The following STX4 variants were observed in gnomAD, a reference collection of about 807,000 sequenced individuals.
STX4 encodes syntaxin-4.
Under a neutral mutation model 41.8 loss-of-function variants are expected in STX4, and 24 were observed. The observed-to-expected ratio is 0.57, with a 90% CI of 0.42 to 0.81. The LOEUF is 0.81. Ranked by LOEUF, STX4 falls within the 30% of genes least tolerant of loss-of-function variation. The pLI is 0.00. For synonymous variants in STX4, 158 were observed against 156.4 expected, an observed-to-expected ratio of 1.01 and a Z score of -0.08; for missense variants, 316 against 389.9, an observed-to-expected ratio of 0.81 and a Z score of 1.60.
At chr16:31,033,520 C>T (rs1380855375), upstream of STX4, 2 of 1,550,402 alleles carry the variant, frequency 1.3e-6, no homozygotes, top group South Asian at 1.2e-5. The surrounding 1 kb of genome is among the most constrained non-coding windows in gnomAD (Gnocchi z 5.5). Flanking sequence ...GAGACGCGAC[C>T]ATGTGCGCAT....
In STX4 at chr16:31,034,992, A is replaced by C. The variant is rs769649961; in HGVS notation, c.330A>C (p.Glu110Asp). Residue 110 changes from glutamate (E) to aspartate (D), a missense_variant, in exon 5 of 11, where the codon GAA becomes GAC. Glu to Asp is a conservative substitution (Grantham distance 45). Transcript: ENST00000313843. ...QLKAIEPQKE[E>D]ADENYNSVNT... The stretch of plus-strand genomic sequence containing the variant: ...CAGCCATAGAGCCCCAGAAGGAGGA[A>C]GCTGATGAGAACTATAACTCCGTCA... 5.8e-5 allele frequency: 93 copies of C among 1,611,478 alleles called. No homozygotes were observed. Among genetic ancestry groups the C allele is most frequent in the Non-Finnish European group, 7.8e-5 (92 of 1,179,232 alleles).
At position 31,038,002 on chromosome 16, in the gene STX4, A is replaced by G. The variant is rs1440740574; in HGVS notation, c.455A>G (p.Asn152Ser). ...NSMQSEYREK[N>S]VERIRRQLKI... ...ATGCAGTCCGAATACCGGGAGAAGA[A>G]CGTGGAGCGGATTCGGAGGCAGCTG... Residue 152 changes from asparagine (N) to serine (S), a missense_variant, in exon 6 of 11, where the codon AAC becomes AGC. Transcript: ENST00000313843. 1 of 1,614,204 alleles carries G rather than the reference A, an allele frequency of 6.2e-7. No individual in the cohort carries two copies. The highest frequency in any genetic ancestry group is 8.5e-7 in the Non-Finnish European group (1 of 1,180,036).
intron 5 of STX4, among the ~76,000 whole-genome samples, chr16:31,036,052 T>C (rs948681717): frequency 6.6e-6 from 1 of 152,072 alleles, no homozygotes; most frequent in African/African-American, 2.4e-5. Context: ...GTGCTATGAT[T>C]ATAGGCATGA....
rs540497072 is a variant in STX4, at chr16:31,038,589, G to A, written c.644G>A (p.Arg215His). The A allele has an allele frequency of 1.4e-4, 233 of 1,614,070 alleles. 2 individuals carry two copies. In the South Asian group the frequency reaches 1.9e-3, roughly 13 times the overall value. The change falls in exon 8 of 11, where the codon CGC becomes CAC. Residue 215 changes from arginine (R) to histidine (H), a missense_variant. Physicochemically the swap from Arg to His is conservative, Grantham distance 29 (BLOSUM62 0). Coordinates refer to ENST00000313843, the MANE Select transcript of STX4 (RefSeq NM_004604.5). ...CACAGTGAGATCCAGCAGCTTGAACGCAGTATTCGTGAGCTGCACGACATA... is the reference window on the plus strand; with the variant it reads ...CACAGTGAGATCCAGCAGCTTGAACACAGTATTCGTGAGCTGCACGACATA... ...ARHSEIQQLERSIRELHDIFT... is the reference protein window; with the variant it reads ...ARHSEIQQLEHSIRELHDIFT...
upstream of STX4, chr16:31,033,511 A>G (rs1203612930): frequency 1.9e-6 from 3 of 1,550,448 alleles, no homozygotes; most frequent in African/African-American, 4.1e-5. This position sits in a 1 kb window ranked among gnomAD's most constrained non-coding sequence, Gnocchi z 5.5. Flanking sequence ...GGCAAGGAAG[A>G]GACGCGACCA....
At chr16:31,037,529 G>A (rs964508966) in intron 5 of STX4, among the ~76,000 whole-genome samples, 3 of 150,736 alleles carry the variant, frequency 2.0e-5, no homozygotes, top group Admixed American at 1.3e-4. Context: ...GCGTGGTGGC[G>A]CGTGCCTGTA....
intron 7 of STX4, 68 bp downstream of exon 7, chr16:31,038,258 A>T: frequency 1.3e-6 from 2 of 1,586,416 alleles, no homozygotes; most frequent in Non-Finnish European, 8.6e-7. Flanking sequence ...CCGTTTCTCG[A>T]CCTCCTGGGC....
At chr16:31,035,998 C>T (rs752862261) in intron 5 of STX4, among the ~76,000 whole-genome samples, 1 of 151,988 alleles carries the variant, frequency 6.6e-6, no homozygotes, top group Non-Finnish European at 1.5e-5. Context: ...AGGCTGGTCT[C>T]GAACTCCTGA....
chr16:31,035,132 C>A, intron 5 of STX4, 92 bp downstream of exon 5: 1 of 982,244 alleles, frequency 1.0e-6, no homozygotes, highest in Non-Finnish European at 1.5e-6. Flanking sequence ...CTGCAGAGAT[C>A]ATGGAGTCCA....
In STX4 at chr16:31,038,739, G is replaced by C. The variant is rs111835354; in HGVS notation, c.702+92G>C. 3.9e-6 allele frequency: 6 copies of C among 1,520,120 alleles called. No individual in the cohort carries two copies. In the African/African-American group the frequency reaches 6.9e-5, roughly 17 times the overall value. The allele number at this position is 1,520,120 out of a possible 1,614,324, so 94.2% of individuals were successfully genotyped here. A position where few individuals can be genotyped will look rare whatever the true frequency, so the allele number is the denominator to read the frequency against. On this transcript the variant is annotated intron_variant, in intron 8 of 10. Coordinates refer to ENST00000313843, the MANE Select transcript of STX4 (RefSeq NM_004604.5). ...CTTAGATTCTCTCCCTGAGGCTTTT[G>C]TGTCTTCCAGGTTTGGCCATGCCCC...
At chr16:31,033,451 C>T, upstream of STX4, 2 of 1,545,204 alleles carry the variant, frequency 1.3e-6, no homozygotes, top group Non-Finnish European at 8.8e-7. The surrounding 1 kb of genome is among the most constrained non-coding windows in gnomAD (Gnocchi z 5.5). Context: ...CCAGGCATCT[C>T]CGCTTCCGCT....
rs150948517 is a variant in STX4 at position 31,038,523 on chromosome 16, C to A, written c.578C>A (p.Thr193Lys). The change falls in exon 8 of 11, where the codon ACG (threonine) becomes AAG (lysine). Residue 193 changes from threonine to lysine, a missense_variant. Transcript: ENST00000313843. The part of the protein sequence containing the change: ...EVFVSNILKD[T>K]QVTRQALNEI... Reference sequence around the variant, plus strand: ...TCCACCCCCCAGATCCTGAAGGACACGCAGGTGACTCGACAGGCCTTAAAT... The same window carrying A: ...TCCACCCCCCAGATCCTGAAGGACAAGCAGGTGACTCGACAGGCCTTAAAT... 3.7e-6 allele frequency: 6 copies of A among 1,614,032 alleles called. No homozygotes were observed. Among genetic ancestry groups the A allele is most frequent in the Non-Finnish European group, 5.1e-6 (6 of 1,180,040 alleles).
chr16:31,033,315 A>C, upstream of STX4: 1 of 740,628 alleles, frequency 1.4e-6, no homozygotes. The surrounding 1 kb of genome is among the most constrained non-coding windows in gnomAD (Gnocchi z 5.5). Flanking sequence ...CGGTGGGGGC[A>C]CCATGGGGTG....
chr16:31,036,929 A>G (rs1280651009), intron 5 of STX4, among the ~76,000 whole-genome samples: 1 of 151,910 alleles, frequency 6.6e-6, no homozygotes, highest in Non-Finnish European at 1.5e-5. Flanking sequence ...TCATGGGAGA[A>G]GGAGAGATCA....
In STX4 at chr16:31,039,459, T is replaced by G; in HGVS notation, c.703-82T>G. 2 of 1,447,754 alleles carry G rather than the reference T, an allele frequency of 1.4e-6. No homozygotes were observed. Among genetic ancestry groups the G allele is most frequent in the Non-Finnish European group, 1.9e-6 (2 of 1,051,966 alleles). The allele number at this position is 1,447,754 out of a possible 1,614,324, so 89.7% of individuals were successfully genotyped here. On this transcript the variant is annotated intron_variant, in intron 8 of 10. Coordinates refer to ENST00000313843, the MANE Select transcript of STX4 (RefSeq NM_004604.5). The surrounding 1 kb of genome is among the most constrained non-coding windows in gnomAD (Gnocchi z 4.1). Reference sequence around the variant, plus strand: ...CTTTGTTAGTGCAATTTTTTTTTCCTGCCAGGAATGTTCTTCAGTCATCTG... The same window carrying G: ...CTTTGTTAGTGCAATTTTTTTTTCCGGCCAGGAATGTTCTTCAGTCATCTG...
chr16:31,034,397 G>A (rs2056783596), intron 3 of STX4, 65 bp from the exon 4 acceptor site: 1 of 1,607,988 alleles, frequency 6.2e-7, no homozygotes, highest in Admixed American at 1.7e-5. Context: ...CCACGCAGGT[G>A]GTGGCCAGAG....
intron 5 of STX4, among the ~76,000 whole-genome samples, chr16:31,037,280 T>G (rs1167488802): frequency 6.8e-6 from 1 of 146,896 alleles, no homozygotes; most frequent in Non-Finnish European, 1.5e-5. Flanking sequence ...GCCAGGCTGG[T>G]CTTGACCTCC....
Position 31,038,132 on chromosome 16 carries a change from C to CTGA in STX4, c.510_512dup (p.Asp170dup). On this transcript the variant is annotated inframe_insertion, in exon 7 of 11. Coordinates refer to ENST00000313843, the MANE Select transcript of STX4 (RefSeq NM_004604.5). ...TTCACAGCCAATGCTGGGATGGTGT[C>CTGA]TGATGAGGAGTTGGAGCAGATGCTG... 1 of 1,614,128 alleles carries CTGA rather than the reference C, an allele frequency of 6.2e-7. No homozygotes were observed. Among genetic ancestry groups the CTGA allele is most frequent in the South Asian group, 1.1e-5 (1 of 91,078 alleles).
chr16:31,036,920 C>T (rs942913991), intron 5 of STX4, among the ~76,000 whole-genome samples: 13 of 151,918 alleles, frequency 8.6e-5, no homozygotes, highest in Admixed American at 8.5e-4. Context: ...TCAGAGAGGT[C>T]ATGGGAGAAG....
Sources: gnomAD v4.1 joint callset for allele counts (sites outside exome capture counted in the v4.1 genomes callset) on GRCh38, gnomAD v4.1.1 for gene constraint, Gnocchi (gnomAD v3.1) non-coding constraint, MANE v1.5 for transcripts, NCBI Gene and HGNC (gene_info 2026-07-23, HGNC 2026-07-21) for gene names.